The following GPR158 variants were observed in gnomAD, a reference collection of about 807,000 sequenced individuals.
GPR158 encodes metabotropic glycine receptor.
Under a neutral mutation model 78.2 loss-of-function variants are expected in GPR158, and 30 were observed. The ratio of observed to expected loss-of-function variants is 0.38; its 90% confidence interval spans 0.29 to 0.52. GPR158 has a LOEUF of 0.52. GPR158 is among the 20% of genes least tolerant of loss of function. The probability of loss-of-function intolerance (pLI) is 0.83; values close to 1 mark genes in which losing one functional copy is unlikely to be tolerated. For missense variants in GPR158, 1,463 were observed against 1,523.5 expected, an observed-to-expected ratio of 0.96 and a Z score of 0.66; for synonymous variants, 581 against 591.1, an observed-to-expected ratio of 0.98 and a Z score of 0.25.
intron 2 of GPR158, among the ~76,000 whole-genome samples, chr10:25,245,599 T>C (rs935751907): frequency 6.6e-6 from 1 of 152,164 alleles, no homozygotes; most frequent in East Asian, 1.9e-4. Flanking sequence ...ATCTCCAAGA[T>C]TGTGGTAAAG....
At chr10:25,572,960 C>T (rs1837031585) in intron 7 of GPR158, 73 bp downstream of exon 7, 1 of 887,590 alleles carries the variant, frequency 1.1e-6, no homozygotes, top group South Asian at 1.4e-5. Flanking sequence ...CTTTAAAAGT[C>T]TTGCCAGACT....
At chr10:25,273,486 A>G (rs991979320) in intron 2 of GPR158, among the ~76,000 whole-genome samples, 1 of 148,186 alleles carries the variant, frequency 6.7e-6, no homozygotes, top group African/African-American at 2.5e-5. Context: ...AGCAGTTGGC[A>G]TACTTTAAAC....
At chr10:25,523,136 T>C (rs1836300676) in intron 5 of GPR158, among the ~76,000 whole-genome samples, 1 of 152,138 alleles carries the variant, frequency 6.6e-6, no homozygotes, top group Admixed American at 6.5e-5. Flanking sequence ...TGTTCCATTT[T>C]TCCCCATGGG....
chr10:25,459,287 G>A (rs1340964220), intron 4 of GPR158, among the ~76,000 whole-genome samples: 1 of 151,992 alleles, frequency 6.6e-6, no homozygotes, highest in Non-Finnish European at 1.5e-5. Context: ...GCTTGCATTG[G>A]TATATCTTTT....
At chr10:25,326,839 A>G (rs1855041005) in intron 2 of GPR158, among the ~76,000 whole-genome samples, 1 of 152,190 alleles carries the variant, frequency 6.6e-6, no homozygotes, top group Non-Finnish European at 1.5e-5. Context: ...AAAACATCAC[A>G]TTGTGCACTG....
intron 2 of GPR158, among the ~76,000 whole-genome samples, chr10:25,245,939 C>T (rs1290386447): frequency 6.6e-6 from 1 of 152,156 alleles, no homozygotes; most frequent in African/African-American, 2.4e-5. Context: ...TACTCCAAAA[C>T]TAATTTGAAT....
intron 1 of GPR158, among the ~76,000 whole-genome samples, chr10:25,205,621 C>T (rs1322105448): frequency 6.6e-6 from 1 of 152,038 alleles, no homozygotes; most frequent in Non-Finnish European, 1.5e-5. Flanking sequence ...TATGTTGCAT[C>T]TTTGTTTTCA....
At chr10:25,573,664 C>T (rs1196131086) in intron 7 of GPR158, among the ~76,000 whole-genome samples, 3 of 152,180 alleles carry the variant, frequency 2.0e-5, no homozygotes, top group Admixed American at 2.0e-4. Context: ...CTCAGTAAGC[C>T]ACAGGACAAA....
intron 2 of GPR158, among the ~76,000 whole-genome samples, chr10:25,369,880 C>G (rs1348103880): frequency 2.0e-5 from 3 of 151,996 alleles, no homozygotes; most frequent in Non-Finnish European, 4.4e-5. Flanking sequence ...TCAACTTCTT[C>G]CTGGTTTAGT....
intron 4 of GPR158, among the ~76,000 whole-genome samples, chr10:25,459,853 TTG>T (rs1835334911): frequency 6.6e-6 from 1 of 152,230 alleles, no homozygotes; most frequent in Non-Finnish European, 1.5e-5. Context: ...GTCTATGGGT[TTG>T]ATATCTGGCT....
At chr10:25,364,573 G>T (rs945502409) in intron 2 of GPR158, among the ~76,000 whole-genome samples, 1 of 151,822 alleles carries the variant, frequency 6.6e-6, no homozygotes, top group South Asian at 2.1e-4. Context: ...TACTCCTGAT[G>T]TTCCTTCAAA....
chr10:25,397,133 A>G (rs1357868102), intron 3 of GPR158, among the ~76,000 whole-genome samples: 1 of 152,160 alleles, frequency 6.6e-6, no homozygotes, highest in Admixed American at 6.5e-5. Flanking sequence ...CAACCAAAAG[A>G]GAGAATGTCC....
At chr10:25,579,864 C>A (rs1475827183) in intron 7 of GPR158, among the ~76,000 whole-genome samples, 1 of 152,216 alleles carries the variant, frequency 6.6e-6, no homozygotes, top group Non-Finnish European at 1.5e-5. Flanking sequence ...ATCTAGGCTT[C>A]TATTCATCCT....
At chr10:25,533,507 T>C (rs965789586) in intron 5 of GPR158, among the ~76,000 whole-genome samples, 1 of 152,250 alleles carries the variant, frequency 6.6e-6, no homozygotes, top group African/African-American at 2.4e-5. Context: ...TCTCTCTCAG[T>C]AGTTTAATCT....
At chr10:25,541,420 TCTTTTA>T (rs1836582427) in intron 5 of GPR158, among the ~76,000 whole-genome samples, 1 of 152,100 alleles carries the variant, frequency 6.6e-6, no homozygotes, top group East Asian at 1.9e-4. Flanking sequence ...AATTTCTTGA[TCTTTTA>T]CTTTTTGTGT....
chr10:25,486,958 G>A (rs1466044627), intron 5 of GPR158, among the ~76,000 whole-genome samples: 1 of 152,126 alleles, frequency 6.6e-6, no homozygotes, highest in East Asian at 1.9e-4. Context: ...CCTTGGAAAA[G>A]GGGGAGAATT....
At chr10:25,434,358 T>C (rs907384046) in intron 4 of GPR158, among the ~76,000 whole-genome samples, 4 of 152,206 alleles carry the variant, frequency 2.6e-5, no homozygotes, top group African/African-American at 4.8e-5. Context: ...TATTTACTTA[T>C]GTCTATTTGA....
In GPR158 at chr10:25,176,433, T is replaced by A; in HGVS notation, c.902+111T>A. On this transcript the variant is annotated intron_variant, in intron 1 of 10. Transcript: ENST00000376351. The surrounding 1 kb of genome is among the most constrained non-coding windows in gnomAD (Gnocchi z 6.3). ...CCCTTGGCTGTGACGCGAACGCTTCTCACCCTCAGAGTAGAGACCCGGGCT... is the reference window on the plus strand; with the variant it reads ...CCCTTGGCTGTGACGCGAACGCTTCACACCCTCAGAGTAGAGACCCGGGCT... 1 of 904,336 alleles carries A rather than the reference T, an allele frequency of 1.1e-6. No individual in the cohort carries two copies. Among genetic ancestry groups the A allele is most frequent in the Non-Finnish European group, 1.6e-6 (1 of 611,790 alleles). 56.0% of individuals were successfully genotyped at this position (904,336 alleles called of 1,614,324 possible).
At chr10:25,350,662 C>T (rs1436228266) in intron 2 of GPR158, among the ~76,000 whole-genome samples, 1 of 151,936 alleles carries the variant, frequency 6.6e-6, no homozygotes, top group South Asian at 2.1e-4. Context: ...GGCAGGGAAG[C>T]TATACTTTCT....
Sources: gnomAD v4.1 joint callset for allele counts (sites outside exome capture counted in the v4.1 genomes callset) on GRCh38, gnomAD v4.1.1 for gene constraint, Gnocchi (gnomAD v3.1) non-coding constraint, MANE v1.5 for transcripts, NCBI Gene and HGNC (gene_info 2026-07-23, HGNC 2026-07-21) for gene names.